Variants in CNTN5 observed in about 807,000 individuals in gnomAD.
CNTN5 encodes contactin-5.
Under a neutral mutation model 129.1 loss-of-function variants are expected in CNTN5, and 77 were observed. That is an observed-to-expected ratio of 0.60 (90% CI 0.50 to 0.72). The LOEUF (loss-of-function observed/expected upper bound fraction) is 0.72. Among genes scored for constraint, CNTN5 ranks in the 30% least tolerant of loss-of-function variants. The probability of loss-of-function intolerance (pLI) is 0.00; values close to 1 mark genes in which losing one functional copy is unlikely to be tolerated. For missense variants in CNTN5, 1,478 were observed against 1,328.8 expected (o/e 1.11, Z -1.75); for synonymous variants, 509 against 465.6 (o/e 1.09, Z -1.20).
intron 3 of CNTN5, among the ~76,000 whole-genome samples, chr11:99,642,244 C>A (rs541842786): frequency 6.6e-6 from 1 of 152,216 alleles, no homozygotes; most frequent in East Asian, 1.9e-4. Flanking sequence ...ATTGAGAGTC[C>A]TGAGAATATC....
At chr11:100,160,165 T>C (rs1218187972) in intron 13 of CNTN5, among the ~76,000 whole-genome samples, 2 of 152,042 alleles carry the variant, frequency 1.3e-5, no homozygotes, top group African/African-American at 2.4e-5. Flanking sequence ...ACTGACAACA[T>C]GCGGTGTTTG....
chr11:99,738,649 G>A (rs1489175974), intron 3 of CNTN5, among the ~76,000 whole-genome samples: 2 of 151,698 alleles, frequency 1.3e-5, no homozygotes, highest in African/African-American at 4.9e-5. Flanking sequence ...GTGTATGTGT[G>A]TGTAGAACCT....
chr11:100,198,112 A>G (rs1948692935), intron 15 of CNTN5, among the ~76,000 whole-genome samples: 1 of 151,920 alleles, frequency 6.6e-6, no homozygotes, highest in Non-Finnish European at 1.5e-5. Flanking sequence ...CTCCATATTC[A>G]CTGACCACTT....
rs781363668 is a variant in CNTN5 at position 100,234,792 on chromosome 11, T to TAAA, written c.2005+10003_2005+10005dup. On this transcript the variant is annotated intron_variant, in intron 16 of 24. Transcript: ENST00000524871. The stretch of plus-strand genomic sequence containing the variant: ...CATTCTGCACATGTATCCCAGAATT[T>TAAA]AAAAAAAAAAAAAAAAAAAAAAAAA... Among the ~76,000 whole-genome samples the TAAA allele has an allele frequency of 5.9e-3, 596 of 101,726 alleles. 2 individuals are homozygous for TAAA. The highest frequency in any genetic ancestry group is 0.047 in the East Asian group (138 of 2,936). 66.7% of individuals were successfully genotyped at this position (101,726 alleles called of 152,430 possible). A position where few individuals can be genotyped will look rare whatever the true frequency, so the allele number is the denominator to read the frequency against.
intron 7 of CNTN5, among the ~76,000 whole-genome samples, chr11:99,943,253 T>C (rs1478828612): frequency 2.0e-5 from 3 of 152,158 alleles, no homozygotes; most frequent in South Asian, 2.1e-4. Flanking sequence ...TGGTGTCTCA[T>C]TGTGGTTTTG....
At chr11:99,427,406 T>G (rs1409630624) in intron 2 of CNTN5, among the ~76,000 whole-genome samples, 1 of 152,136 alleles carries the variant, frequency 6.6e-6, no homozygotes, top group Non-Finnish European at 1.5e-5. Context: ...ATCTCAGGCC[T>G]TCTCAAAGGG....
In CNTN5 at chr11:100,001,797, A is replaced by T. The variant is rs543823550; in HGVS notation, c.878-237A>T. Among the ~76,000 whole-genome samples the T allele has an allele frequency of 2.0e-5, 3 of 152,344 alleles. No individual in the cohort carries two copies. The East Asian group carries it at 5.8e-4, about 29-fold the overall frequency. On this transcript the variant is annotated intron_variant, in intron 8 of 24. Transcript: ENST00000524871. ...CTAATGTTGATTAACAATTTCAATA[A>T]TTATTAGTTTAAATGATAATGAACA...
At chr11:99,351,387 G>T (rs1056569649) in intron 2 of CNTN5, among the ~76,000 whole-genome samples, 6 of 152,190 alleles carry the variant, frequency 3.9e-5, no homozygotes, top group African/African-American at 1.2e-4. Flanking sequence ...GCTTGTGCAG[G>T]CTCTGTGGGA....
chr11:99,647,918 A>T (rs1952024984), intron 3 of CNTN5, among the ~76,000 whole-genome samples: 2 of 151,928 alleles, frequency 1.3e-5, no homozygotes, highest in Admixed American at 6.6e-5. Context: ...ATCAGTTCCC[A>T]AAGGTTTTTC....
chr11:99,127,990 C>T (rs1858729103), intron 1 of CNTN5, among the ~76,000 whole-genome samples: 1 of 152,068 alleles, frequency 6.6e-6, no homozygotes, highest in Admixed American at 6.5e-5. Flanking sequence ...TAATGATGAG[C>T]AATATAATAA....
At chr11:100,096,606 G>A (rs370481269) in intron 13 of CNTN5, among the ~76,000 whole-genome samples, 17 of 152,082 alleles carry the variant, frequency 1.1e-4, no homozygotes, top group South Asian at 4.1e-4. Flanking sequence ...CCACCAAAAC[G>A]TACAAATTAT....
chr11:99,570,721 A>T (rs1359152937), intron 3 of CNTN5, among the ~76,000 whole-genome samples: 1 of 152,172 alleles, frequency 6.6e-6, no homozygotes, highest in Non-Finnish European at 1.5e-5. Flanking sequence ...TTTAGCAAGA[A>T]ATAACATAAT....
At chr11:100,172,924 G>C (rs1206793465) in intron 13 of CNTN5, among the ~76,000 whole-genome samples, 1 of 152,100 alleles carries the variant, frequency 6.6e-6, no homozygotes, top group Non-Finnish European at 1.5e-5. Flanking sequence ...CAAGACCAAT[G>C]TGTTGAAATG....
At chr11:99,585,414 C>T (rs929616851) in intron 3 of CNTN5, among the ~76,000 whole-genome samples, 3 of 152,056 alleles carry the variant, frequency 2.0e-5, no homozygotes, top group African/African-American at 7.2e-5. Flanking sequence ...TTCTATTAAG[C>T]TAAATTCAGT....
At chr11:99,344,032 T>C (rs1210903644) in intron 2 of CNTN5, among the ~76,000 whole-genome samples, 1 of 152,228 alleles carries the variant, frequency 6.6e-6, no homozygotes, top group Admixed American at 6.5e-5. Flanking sequence ...AGATAATACC[T>C]GATAAATTTA....
intron 3 of CNTN5, among the ~76,000 whole-genome samples, chr11:99,710,453 T>C (rs1954928049): frequency 6.6e-6 from 1 of 151,880 alleles, no homozygotes. Context: ...GTTCCTGTTG[T>C]TGCATCTGAA....
chr11:99,414,994 G>A (rs1942583288), intron 2 of CNTN5, among the ~76,000 whole-genome samples: 1 of 152,092 alleles, frequency 6.6e-6, no homozygotes, highest in Non-Finnish European at 1.5e-5. Flanking sequence ...CAGTAAAACA[G>A]GCAACTCAAT....
intron 9 of CNTN5, among the ~76,000 whole-genome samples, chr11:100,058,112 T>C (rs1943309676): frequency 1.3e-5 from 2 of 152,174 alleles, no homozygotes; most frequent in Non-Finnish European, 2.9e-5. Context: ...TTACAATTTA[T>C]ATAACTTGCT....
chr11:100,325,702 A>G (rs1056861760), intron 21 of CNTN5, among the ~76,000 whole-genome samples: 1 of 152,180 alleles, frequency 6.6e-6, no homozygotes, highest in South Asian at 2.1e-4. Context: ...CCAACAACCA[A>G]TAATCTGGCA....
Sources: allele counts gnomAD v4.1 joint callset (sites outside exome capture counted in the v4.1 genomes callset), GRCh38; gene constraint gnomAD v4.1.1; transcripts MANE v1.5; gene names NCBI Gene and HGNC (gene_info 2026-07-23, HGNC 2026-07-21).